Variants in SRP68 observed in about 807,000 individuals in gnomAD.
The protein encoded by SRP68 is signal recognition particle subunit SRP68.
Under a neutral mutation model 82.2 loss-of-function variants are expected in SRP68, and 15 were observed. The ratio of observed to expected loss-of-function variants is 0.18; its 90% confidence interval spans 0.12 to 0.28. SRP68 has a LOEUF of 0.28. SRP68 is among the 10% of genes least tolerant of loss of function. The pLI, the probability that SRP68 is intolerant of heterozygous loss-of-function variation, is 1.00. For synonymous variants in SRP68, 261 were observed against 292.6 expected (o/e 0.89, Z 1.10); for missense variants, 595 against 780.5 (o/e 0.76, Z 2.83).
intron 4 of SRP68, among the ~76,000 whole-genome samples, chr17:76,062,104 G>C (rs2066756673): frequency 6.6e-6 from 1 of 151,988 alleles, no homozygotes; most frequent in Admixed American, 6.6e-5. Flanking sequence ...GGCCAACATG[G>C]TGAAAACCTG....
At chr17:76,055,597 T>TA (rs990787168) in intron 8 of SRP68, among the ~76,000 whole-genome samples, 1 of 151,038 alleles carries the variant, frequency 6.6e-6, no homozygotes, top group Non-Finnish European at 1.5e-5. Flanking sequence ...CTACTAAAAA[T>TA]AAAAAAATTA....
chr17:76,057,770 G>A (rs928236141), intron 7 of SRP68, among the ~76,000 whole-genome samples: 15 of 152,000 alleles, frequency 9.9e-5, no homozygotes, highest in Non-Finnish European at 1.9e-4. Flanking sequence ...TGCTTCCCAG[G>A]TTCAAGGAAT....
chr17:76,060,498 A>G, intron 6 of SRP68, 108 bp from the exon 7 acceptor site: 1 of 707,128 alleles, frequency 1.4e-6, no homozygotes, highest in East Asian at 2.6e-5. Context: ...TGCTACTTCA[A>G]TGAATCTGCA....
chr17:76,071,773 T>A lies in SRP68; in HGVS notation c.184+535A>T, dbSNP rs1392716190. Among the ~76,000 whole-genome samples, 1 of 152,204 alleles carries A rather than the reference T, an allele frequency of 6.6e-6. No homozygotes were observed. Among genetic ancestry groups the A allele is most frequent in the Admixed American group, 6.5e-5 (1 of 15,270 alleles). On this transcript the variant is annotated intron_variant, in intron 1 of 15. Transcript: ENST00000307877. This position sits in a 1 kb window ranked among gnomAD's most constrained non-coding sequence, Gnocchi z 4.7. ...ATGACTGTCAGCAAGATAAAATGCC[T>A]ACAGACCGATCAGAAAAAAATGACA...
At chr17:76,055,624 G>T in intron 8 of SRP68, among the ~76,000 whole-genome samples, 1 of 151,538 alleles carries the variant, frequency 6.6e-6, no homozygotes, top group South Asian at 2.1e-4. Context: ...TGTGATGGTG[G>T]GTGCCTGTAG....
At chr17:76,046,873 G>A (rs1190184930) in intron 10 of SRP68, among the ~76,000 whole-genome samples, 7 of 151,846 alleles carry the variant, frequency 4.6e-5, no homozygotes, top group African/African-American at 1.2e-4. Flanking sequence ...CCTGGGAGGC[G>A]GAGCTTGCAG....
intron 5 of SRP68, 50 bp from the exon 6 acceptor site, chr17:76,061,269 C>T (rs1460689766): frequency 1.5e-6 from 2 of 1,313,290 alleles, no homozygotes; most frequent in Admixed American, 1.8e-5. Context: ...ATAAGAAAAA[C>T]TCATGGGGAA....
At chr17:76,041,344 A>C (rs2066588779) in intron 13 of SRP68, 1 of 168,184 alleles carries the variant, frequency 5.9e-6, no homozygotes, top group Admixed American at 6.0e-5. Context: ...GGAAGCATGG[A>C]GAGGTTAAGC....
intron 8 of SRP68, among the ~76,000 whole-genome samples, chr17:76,055,985 C>CT (rs1418695442): frequency 1.6e-4 from 24 of 151,060 alleles, no homozygotes; most frequent in East Asian, 1.4e-3. Context: ...TTTTTTGGTA[C>CT]TTTTTTTTGT....
chr17:76,072,435 G>A lies in SRP68; in HGVS notation c.57C>T (p.Gly19=). The change falls in exon 1 of 16, where the codon GGC becomes GGT. Residue 19 remains glycine (G), a synonymous_variant. Transcript: ENST00000307877. The surrounding 1 kb of genome is among the most constrained non-coding windows in gnomAD (Gnocchi z 4.5). ...GGGGGGGSGG[G]GGSGGGGSGG... is the part of the protein sequence containing the mutation. ...CGCTACCGCCGCCGCCACTGCCACC[G>A]CCGCCGCCACTGCCGCCGCCGCCGC... 1.3e-6 allele frequency: 2 copies of A among 1,580,716 alleles called. No individual in the cohort carries two copies.
intron 4 of SRP68, 187 bp from the exon 5 acceptor site, chr17:76,061,761 A>C: frequency 2.2e-6 from 1 of 459,260 alleles, no homozygotes; most frequent in Non-Finnish European, 4.0e-6. Flanking sequence ...ACAGTTGAAG[A>C]CAAGCCAGGG....
intron 13 of SRP68, chr17:76,043,617 CCTT>C (rs1183950933): frequency 2.6e-5 from 9 of 345,410 alleles, no homozygotes; most frequent in Non-Finnish European, 4.6e-5. Context: ...AAATGCCTTC[CCTT>C]CTTCATACCT....
At chr17:76,053,341 C>T (rs965290131) in intron 8 of SRP68, 3 of 379,224 alleles carry the variant, frequency 7.9e-6, no homozygotes, top group Non-Finnish European at 1.1e-5. Flanking sequence ...CTACGGCGCC[C>T]GTTTTAATTC....
intron 6 of SRP68, 83 bp downstream of exon 6, chr17:76,061,027 T>C: frequency 2.4e-6 from 2 of 835,888 alleles, no homozygotes; most frequent in Non-Finnish European, 4.0e-6. Context: ...TTACATCAAC[T>C]CTCTAGGCTC....
intron 2 of SRP68, among the ~76,000 whole-genome samples, chr17:76,068,455 G>GAA (rs113014100): frequency 3.5e-5 from 4 of 115,850 alleles, no homozygotes; most frequent in African/African-American, 6.4e-5. Context: ...GACTGTGTCT[G>GAA]AAAAAAAAAA....
At chr17:76,068,732 T>C (rs2144532094) in intron 2 of SRP68, among the ~76,000 whole-genome samples, 1 of 152,264 alleles carries the variant, frequency 6.6e-6, no homozygotes, top group East Asian at 1.9e-4. Context: ...TGTTCTCACA[T>C]AGTTGTCCAC....
At chr17:76,060,859 C>T (rs1266100947) in intron 6 of SRP68, 3 of 453,736 alleles carry the variant, frequency 6.6e-6, no homozygotes, top group East Asian at 7.8e-5. Context: ...TGAACTCAGC[C>T]GGAGACTCAA....
chr17:76,069,053 G>T (rs1004923859), intron 2 of SRP68, among the ~76,000 whole-genome samples: 1 of 150,476 alleles, frequency 6.6e-6, no homozygotes, highest in Non-Finnish European at 1.5e-5. Flanking sequence ...TTAAGTCAAA[G>T]TAATACAGCA....
chr17:76,050,648 C>T lies in SRP68; in HGVS notation c.979-122G>A, dbSNP rs143613783. 404 of 642,428 alleles carry T rather than the reference C, an allele frequency of 6.3e-4. 1 individual carries two copies. The highest frequency in any genetic ancestry group is 5.9e-3 in the African/African-American group (323 of 55,106). The allele number at this position is 642,428 out of a possible 1,614,324, so 39.8% of individuals were successfully genotyped here. A position where few individuals can be genotyped will look rare whatever the true frequency, so the allele number is the denominator to read the frequency against. Reference sequence around the variant, plus strand: ...ACACACTCACTCACGCACGCCACACCAGATATCATTTTAATTGTTACTGTT... The same window carrying T: ...ACACACTCACTCACGCACGCCACACTAGATATCATTTTAATTGTTACTGTT... On this transcript the variant is annotated intron_variant, in intron 8 of 15. Transcript: ENST00000307877.
Sources: allele counts gnomAD v4.1 joint callset (sites outside exome capture counted in the v4.1 genomes callset), GRCh38; gene constraint gnomAD v4.1.1; non-coding constraint Gnocchi (gnomAD v3.1); transcripts MANE v1.5; gene names NCBI Gene and HGNC (gene_info 2026-07-23, HGNC 2026-07-21).